The following KDM6A variants were observed in gnomAD, a reference collection of about 807,000 sequenced individuals.
KDM6A encodes the protein lysine demethylase 6A, also known as lysine-specific demethylase 6A.
Under a neutral mutation model 117.6 loss-of-function variants are expected in KDM6A, and 11 were observed. That is an observed-to-expected ratio of 0.09 (90% CI 0.06 to 0.15). KDM6A has a LOEUF of 0.15. Among genes scored for constraint, KDM6A ranks in the 10% least tolerant of loss-of-function variants. The pLI, the probability that KDM6A is intolerant of heterozygous loss-of-function variation, is 1.00. For missense variants in KDM6A, 799 were observed against 1,077.3 expected, an observed-to-expected ratio of 0.74 and a Z score of 3.62; for synonymous variants, 384 against 396.1, an observed-to-expected ratio of 0.97 and a Z score of 0.36.
At chrX:45,031,291 G>T (rs1195108726) in intron 6 of KDM6A, among the ~76,000 whole-genome samples, 1 of 111,845 alleles carries the variant, frequency 8.9e-6, no homozygotes, top group Non-Finnish European at 1.9e-5. Context: ...TAATTTCAGT[G>T]AACATTGTAT....
intron 27 of KDM6A, among the ~76,000 whole-genome samples, chrX:45,095,132 A>T (rs2046051051): frequency 9.0e-6 from 1 of 111,496 alleles, no homozygotes; most frequent in East Asian, 2.8e-4. Context: ...AATGCTAGTT[A>T]ATAAATCGGG....
chrX:44,894,620 A>C (rs1025239432), intron 2 of KDM6A, among the ~76,000 whole-genome samples: 1 of 92,019 alleles, frequency 1.1e-5, no homozygotes, highest in Non-Finnish European at 2.1e-5. Flanking sequence ...TTAATTAATT[A>C]ATTTTTTTTT....
intron 2 of KDM6A, among the ~76,000 whole-genome samples, chrX:44,958,181 ATTT>A (rs35278318): frequency 1.0e-5 from 1 of 97,472 alleles, no homozygotes; most frequent in Non-Finnish European, 2.1e-5. Context: ...TCTTTAATGA[ATTT>A]TTTTTTTTTT....
At chrX:44,975,341 T>C (rs1431303396) in intron 4 of KDM6A, among the ~76,000 whole-genome samples, 1 of 110,695 alleles carries the variant, frequency 9.0e-6, no homozygotes, top group African/African-American at 3.3e-5. Flanking sequence ...TTTCAGATTT[T>C]TTGTGGATTT....
chrX:45,042,087 C>CA (rs1303390648), intron 8 of KDM6A, among the ~76,000 whole-genome samples: 74 of 106,785 alleles, frequency 6.9e-4, no homozygotes, highest in South Asian at 1.3e-3. Flanking sequence ...CCCTCTCCAC[C>CA]AAAAAAAAAC....
At chrX:44,959,744 TTA>T (rs1491155515) in intron 2 of KDM6A, among the ~76,000 whole-genome samples, 4 of 111,610 alleles carry the variant, frequency 3.6e-5, no homozygotes, top group Non-Finnish European at 7.5e-5. Flanking sequence ...CAGATAAGAA[TTA>T]TATATGACTT....
intron 4 of KDM6A, among the ~76,000 whole-genome samples, chrX:44,996,180 A>G (rs1399730051): frequency 3.6e-5 from 4 of 110,592 alleles, no homozygotes; most frequent in African/African-American, 1.3e-4. Flanking sequence ...GGACTCAAAC[A>G]GTCCTTTTTA....
chrX:45,109,434 G>A (rs1411693078), intron 28 of KDM6A, among the ~76,000 whole-genome samples: 1 of 111,456 alleles, frequency 9.0e-6, no homozygotes, highest in Non-Finnish European at 1.9e-5. Context: ...AGAAGACATG[G>A]GATCATAAGA....
At chrX:44,889,620 A>G (rs991341153) in intron 2 of KDM6A, among the ~76,000 whole-genome samples, 1 of 111,650 alleles carries the variant, frequency 9.0e-6, no homozygotes, top group Admixed American at 9.6e-5. Context: ...ATAACTTTTA[A>G]TAGGCTATAT....
intron 8 of KDM6A, among the ~76,000 whole-genome samples, chrX:45,047,559 A>T (rs1380363206): frequency 1.0e-5 from 1 of 98,314 alleles, no homozygotes; most frequent in African/African-American, 3.7e-5. Context: ...CATTTTTTCA[A>T]TTCTGGAATT....
chrX:45,005,394 G>C (rs908525658), intron 4 of KDM6A, among the ~76,000 whole-genome samples: 1 of 110,784 alleles, frequency 9.0e-6, no homozygotes, highest in African/African-American at 3.3e-5. Context: ...TGCCAGATTG[G>C]GTTCTTCCCT....
Position 44,873,575 on chromosome X carries a change from C to T in KDM6A, c.24C>T (p.Leu8=), listed in dbSNP as rs2031055969. Residue 8 remains leucine (L), a synonymous_variant, in exon 1 of 30, where the codon CTC becomes CTT. Transcript: ENST00000611820. ...CCATGAAATCCTGCGGAGTGTCGCT[C>T]GCTACCGCCGCCGCTGCCGCCGCCG... is the stretch of plus-strand genomic sequence containing the variant. MKSCGVS[L]ATAAAAAAAF... 1 of 1,204,092 alleles carries T rather than the reference C, an allele frequency of 8.3e-7. No homozygotes were observed.
In KDM6A at chrX:45,110,818, C is replaced by T. The variant is rs986276875; in HGVS notation, c.4333-564C>T. Among the ~76,000 whole-genome samples the T allele has an allele frequency of 2.1e-4, 23 of 111,556 alleles. 1 individual carries two copies. The highest frequency in any genetic ancestry group is 2.8e-4 in the East Asian group (1 of 3,568). On this transcript the variant is annotated intron_variant, in intron 29 of 29. Transcript: ENST00000611820. ...ATGCTTGGGGGAAGCATTTTACTTT[C>T]GCAGATCAATAGCTTTATGAATAGA...
chrX:45,012,196 GATT>G (rs1569518977), intron 5 of KDM6A, among the ~76,000 whole-genome samples: 2 of 82,088 alleles, frequency 2.4e-5, no homozygotes, highest in African/African-American at 9.9e-5. Flanking sequence ...ACCCAATGTA[GATT>G]TTTTTTTTTT....
intron 2 of KDM6A, among the ~76,000 whole-genome samples, chrX:44,904,833 C>T (rs2034548430): frequency 8.9e-6 from 1 of 111,792 alleles, no homozygotes; most frequent in Non-Finnish European, 1.9e-5. Context: ...AATTAAAAAG[C>T]CACAAAGCTT....
chrX:45,007,232 C>T (rs1354379281), intron 4 of KDM6A, among the ~76,000 whole-genome samples: 1 of 111,986 alleles, frequency 8.9e-6, no homozygotes, highest in African/African-American at 3.3e-5. Flanking sequence ...CCAGAAAAGC[C>T]TCACCATGGC....
At chrX:44,908,653 GTC>G (rs1286717899) in intron 2 of KDM6A, among the ~76,000 whole-genome samples, 16 of 111,739 alleles carry the variant, frequency 1.4e-4, no homozygotes, top group African/African-American at 5.2e-4. Flanking sequence ...GTCACACAGT[GTC>G]ATTTTTGCCC....
intron 2 of KDM6A, among the ~76,000 whole-genome samples, chrX:44,921,594 G>A (rs1227306765): frequency 9.0e-6 from 1 of 111,371 alleles, no homozygotes; most frequent in Admixed American, 9.6e-5. Flanking sequence ...TTTTCTGATG[G>A]TGGCATAGTC....
At chrX:44,955,322 A>G (rs2147129659) in intron 2 of KDM6A, among the ~76,000 whole-genome samples, 1 of 110,918 alleles carries the variant, frequency 9.0e-6, no homozygotes, top group South Asian at 3.8e-4. Context: ...AAGAGGATCC[A>G]GGAGAAAAAA....
Sources: gnomAD v4.1 joint callset for allele counts (sites outside exome capture counted in the v4.1 genomes callset) on GRCh38, gnomAD v4.1.1 for gene constraint, MANE v1.5 for transcripts, NCBI Gene and HGNC (gene_info 2026-07-23, HGNC 2026-07-21) for gene names.